NEGR1: variants seen among roughly 807,000 people sequenced by gnomAD.
The protein encoded by NEGR1 is neuronal growth regulator 1.
Under a neutral mutation model 40.9 loss-of-function variants are expected in NEGR1, and 10 were observed. That is an observed-to-expected ratio of 0.24 (90% CI 0.15 to 0.42). The LOEUF (loss-of-function observed/expected upper bound fraction) is 0.42. Among genes scored for constraint, NEGR1 ranks in the 10% least tolerant of loss-of-function variants. The pLI is 1.00. For missense variants in NEGR1, 352 were observed against 438.9 expected, an observed-to-expected ratio of 0.80 and a Z score of 1.77; for synonymous variants, 185 against 166.8, an observed-to-expected ratio of 1.11 and a Z score of -0.84.
At chr1:71,798,233 C>T (rs911068735) in intron 2 of NEGR1, 3 of 151,688 alleles carry the variant, frequency 2.0e-5, no homozygotes, top group African/African-American at 7.3e-5. Flanking sequence ...CTCGGTGGAG[C>T]AGAGAGTCCC....
chr1:72,115,463 G>A (rs1649545585), intron 1 of NEGR1, among the ~76,000 whole-genome samples: 1 of 151,610 alleles, frequency 6.6e-6, no homozygotes, highest in African/African-American at 2.4e-5. Context: ...CTCAGCAATG[G>A]GGCTCTGTAA....
chr1:71,694,293 T>C (rs367837511), intron 4 of NEGR1, among the ~76,000 whole-genome samples: 3 of 151,438 alleles, frequency 2.0e-5, no homozygotes, highest in Non-Finnish European at 4.4e-5. Context: ...TTAATTATGA[T>C]AATTTTCATG....
rs188022434 is a variant in NEGR1 at position 71,939,449 on chromosome 1, G to T, written c.177-4138C>A. On this transcript the variant is annotated intron_variant, in intron 1 of 6. Transcript: ENST00000357731. The stretch of plus-strand genomic sequence containing the variant: ...AGTGGATAAATGAAGGTAAAAATTA[G>T]GAAAATTTTGGAGAAAGGAATAATA... 5.3e-5 allele frequency among the ~76,000 whole-genome samples: 8 copies of T among 152,108 alleles called. No homozygotes were observed. The East Asian group carries it at 1.5e-3, about 29-fold the overall frequency.
chr1:71,445,757 G>A (rs1382849897), intron 6 of NEGR1, among the ~76,000 whole-genome samples: 1 of 152,146 alleles, frequency 6.6e-6, no homozygotes, highest in Non-Finnish European at 1.5e-5. Context: ...CTTCCTGATG[G>A]GAACCTGCAT....
intron 1 of NEGR1, among the ~76,000 whole-genome samples, chr1:72,031,743 T>G (rs146171123): frequency 6.6e-6 from 1 of 152,068 alleles, no homozygotes; most frequent in African/African-American, 2.4e-5. Context: ...TAGGCCCAGA[T>G]GTACACAGAG....
chr1:71,898,978 TAG>T (rs1661062088), intron 2 of NEGR1, among the ~76,000 whole-genome samples: 1 of 32,112 alleles, frequency 3.1e-5, no homozygotes, highest in African/African-American at 1.7e-4. Flanking sequence ...TATATATATA[TAG>T]CATATATATA....
chr1:71,723,211 C>T (rs1570260722), intron 3 of NEGR1, among the ~76,000 whole-genome samples: 1 of 151,952 alleles, frequency 6.6e-6, no homozygotes, highest in Non-Finnish European at 1.5e-5. Context: ...CATCTTTGGT[C>T]TCTTGGTGTT....
rs926842917 is a variant in NEGR1 at position 71,405,448 on chromosome 1, A to G, written c.*1998T>C. 1 of 152,256 alleles carries G rather than the reference A, an allele frequency of 6.6e-6. No homozygotes were observed. The highest frequency in any genetic ancestry group is 1.5e-5 in the Non-Finnish European group (1 of 67,776). 9.4% of individuals were successfully genotyped at this position (152,256 alleles called of 1,614,324 possible). ...ATTTTATAGTTTATTCAACAATTCC[A>G]CAAAGAATATTTCTTAAAAGCAAAT... On this transcript the variant is annotated 3_prime_UTR_variant, in exon 7 of 7. Transcript: ENST00000357731.
intron 6 of NEGR1, among the ~76,000 whole-genome samples, chr1:71,563,838 T>C (rs1362876116): frequency 6.6e-6 from 1 of 151,800 alleles, no homozygotes; most frequent in African/African-American, 2.4e-5. Flanking sequence ...CTGTGAAAGT[T>C]TGGGGAACTT....
In NEGR1 at chr1:71,994,551, A is replaced by AC. The variant is rs1557474207; in HGVS notation, c.177-59241_177-59240insG. 1.3e-4 allele frequency among the ~76,000 whole-genome samples: 19 copies of AC among 150,700 alleles called. No homozygotes were observed. In the East Asian group the frequency reaches 3.1e-3, roughly 25 times the overall value. On this transcript the variant is annotated intron_variant, in intron 1 of 6. Transcript: ENST00000357731. Reference sequence around the variant, plus strand: ...TCAAAAACAAAACAAAACAAACAAAAAAAAAAAACACTCATCACAAAAATT... The same window carrying AC: ...TCAAAAACAAAACAAAACAAACAAAACAAAAAAAACACTCATCACAAAAATT...
intron 1 of NEGR1, among the ~76,000 whole-genome samples, chr1:72,086,407 T>A (rs1648223569): frequency 6.6e-6 from 1 of 152,166 alleles, no homozygotes; most frequent in Non-Finnish European, 1.5e-5. Flanking sequence ...CTGTTAAGTA[T>A]CCTTAAGGTG....
chr1:71,758,909 A>T (rs1256173804), intron 3 of NEGR1, among the ~76,000 whole-genome samples: 7 of 152,202 alleles, frequency 4.6e-5, no homozygotes, highest in Non-Finnish European at 8.8e-5. Context: ...CTTAACATTT[A>T]TGGGTGAGAG....
At chr1:71,920,609 TA>T (rs1645708365) in intron 2 of NEGR1, among the ~76,000 whole-genome samples, 1 of 152,198 alleles carries the variant, frequency 6.6e-6, no homozygotes, top group Non-Finnish European at 1.5e-5. Context: ...AAAGAAGGAC[TA>T]ATTTTTATTT....
At chr1:71,524,000 T>G (rs2101434327) in intron 6 of NEGR1, among the ~76,000 whole-genome samples, 1 of 151,938 alleles carries the variant, frequency 6.6e-6, no homozygotes, top group East Asian at 1.9e-4. Flanking sequence ...AACAATTTTT[T>G]TTCATTTTCT....
intron 2 of NEGR1, among the ~76,000 whole-genome samples, chr1:71,804,242 T>A (rs1361807761): frequency 1.3e-5 from 2 of 152,212 alleles, no homozygotes; most frequent in Non-Finnish European, 2.9e-5. Flanking sequence ...ATAAAGTTGA[T>A]AATAAACAGC....
chr1:71,688,355 T>TA (rs60557423), intron 4 of NEGR1, among the ~76,000 whole-genome samples: 11 of 40,490 alleles, frequency 2.7e-4, no homozygotes, highest in Admixed American at 1.1e-3. Flanking sequence ...GATAGATAGA[T>TA]TATATATATA....
intron 1 of NEGR1, among the ~76,000 whole-genome samples, chr1:71,989,998 G>A (rs1646435698): frequency 6.6e-6 from 1 of 152,056 alleles, no homozygotes; most frequent in African/African-American, 2.4e-5. Flanking sequence ...CTTGGACCAT[G>A]TACAACAAGG....
intron 4 of NEGR1, among the ~76,000 whole-genome samples, chr1:71,687,024 G>A (rs879651928): frequency 2.6e-5 from 4 of 152,092 alleles, no homozygotes; most frequent in Admixed American, 2.6e-4. Context: ...TACTAAATGA[G>A]GAAAACACTC....
chr1:72,174,074 C>T (rs1447577642), intron 1 of NEGR1, among the ~76,000 whole-genome samples: 1 of 151,944 alleles, frequency 6.6e-6, no homozygotes, highest in Non-Finnish European at 1.5e-5. Flanking sequence ...ATGGACATCC[C>T]AATCGTTTGT....
Sources: allele counts gnomAD v4.1 joint callset (sites outside exome capture counted in the v4.1 genomes callset), GRCh38; gene constraint gnomAD v4.1.1; transcripts MANE v1.5; gene names NCBI Gene and HGNC (gene_info 2026-07-23, HGNC 2026-07-21).